Variants in NEK10 observed in about 807,000 individuals in gnomAD.
NEK10 encodes the protein NIMA related kinase 10.
Under a neutral mutation model 159.8 loss-of-function variants are expected in NEK10, and 122 were observed. The observed-to-expected ratio is 0.76, with a 90% CI of 0.66 to 0.89. The LOEUF (loss-of-function observed/expected upper bound fraction) is 0.89, where lower values mean the gene tolerates loss of function less well. Among genes scored for constraint, NEK10 ranks in the 40% least tolerant of loss-of-function variants. The pLI, the probability that NEK10 is intolerant of heterozygous loss-of-function variation, is 0.00. For missense variants in NEK10, 1,342 were observed against 1,323.1 expected, an observed-to-expected ratio of 1.01 and a Z score of -0.22; for synonymous variants, 466 against 457.1, an observed-to-expected ratio of 1.02 and a Z score of -0.25.
chr3:27,203,348 T>C (rs1259805864), intron 23 of NEK10, among the ~76,000 whole-genome samples: 1 of 152,234 alleles, frequency 6.6e-6, no homozygotes, highest in Non-Finnish European at 1.5e-5. Flanking sequence ...AAGACCATAT[T>C]TAAATATGTT....
rs1487049395 is a variant in NEK10, at chr3:27,192,182, T to G, written c.2352A>C (p.Ser784=). 6 of 1,614,050 alleles carry G rather than the reference T, an allele frequency of 3.7e-6. No individual in the cohort carries two copies. The highest frequency in any genetic ancestry group is 3.4e-6 in the Non-Finnish European group (4 of 1,179,998). ...PDIVEVSSMI[S]DVMMKYLDNL... is the part of the protein sequence containing the mutation. ...TGTCTAAATATTTCATCATGACATC[T>G]GATATCATCGAACTGACTTCTACAA... is the stretch of plus-strand genomic sequence containing the variant. The change falls in exon 26 of 36, where the codon TCA becomes TCC. Residue 784 remains serine (S), a synonymous_variant. Transcript: ENST00000691995.
intron 23 of NEK10, among the ~76,000 whole-genome samples, chr3:27,226,628 C>A (rs554362479): frequency 1.3e-5 from 2 of 152,218 alleles, no homozygotes; most frequent in Non-Finnish European, 2.9e-5. Flanking sequence ...TGAACAGAGG[C>A]AAATTCGTCT....
chr3:27,231,212 C>G (rs1953224773), intron 23 of NEK10, among the ~76,000 whole-genome samples: 1 of 151,890 alleles, frequency 6.6e-6, no homozygotes, highest in East Asian at 1.9e-4. Context: ...TAAAAGGAAC[C>G]CTCCAAATCA....
At chr3:27,359,388 G>T (rs912900125) in intron 1 of NEK10, among the ~76,000 whole-genome samples, 1 of 152,122 alleles carries the variant, frequency 6.6e-6, no homozygotes, top group Admixed American at 6.5e-5. Flanking sequence ...AGAAGTCTCT[G>T]TTTCTTCTGA....
At chr3:27,270,646 C>T (rs1228315190) in intron 22 of NEK10, among the ~76,000 whole-genome samples, 1 of 152,062 alleles carries the variant, frequency 6.6e-6, no homozygotes, top group Non-Finnish European at 1.5e-5. Context: ...GAACAGACTC[C>T]CTCCCTCCAT....
chr3:27,166,190 A>C (rs557521195), intron 29 of NEK10, among the ~76,000 whole-genome samples: 1 of 152,346 alleles, frequency 6.6e-6, no homozygotes, highest in South Asian at 2.1e-4. Flanking sequence ...GTGAATAAGC[A>C]ACATTATGTA....
At chr3:27,292,723 A>ATGC (rs2043085083) in intron 16 of NEK10, among the ~76,000 whole-genome samples, 1 of 149,870 alleles carries the variant, frequency 6.7e-6, no homozygotes, top group Non-Finnish European at 1.5e-5. Flanking sequence ...AGTCCCAGCT[A>ATGC]CTCAGGAGGC....
Position 27,164,558 on chromosome 3 carries a change from C to A in NEK10, c.2832-1820G>T, listed in dbSNP as rs138345279. Among the ~76,000 whole-genome samples the A allele has an allele frequency of 3.3e-5, 5 of 152,292 alleles. No homozygotes were observed. The East Asian group carries it at 5.8e-4, about 18-fold the overall frequency. On this transcript the variant is annotated intron_variant, in intron 29 of 35. Coordinates refer to ENST00000691995, the MANE Select transcript of NEK10 (RefSeq NM_001394966.1). ...AAATTGAAATCTTATTATTTTACAT[C>A]TTAATTAATATTAAACAAAATTAAA...
rs143334174 is a variant in NEK10, at chr3:27,161,764, C to T, written c.2869+937G>A. Among the ~76,000 whole-genome samples the T allele has an allele frequency of 3.7e-3, 562 of 152,156 alleles. 6 individuals carry two copies. Among genetic ancestry groups the T allele is most frequent in the African/African-American group, 0.012 (493 of 41,532 alleles). Reference sequence around the variant, plus strand: ...TTATTAGGGAAACAATGTGATATGTCATTTTAATCGTGGGCGGATCACCTG... The same window carrying T: ...TTATTAGGGAAACAATGTGATATGTTATTTTAATCGTGGGCGGATCACCTG... On this transcript the variant is annotated intron_variant, in intron 30 of 35. Coordinates refer to ENST00000691995, the MANE Select transcript of NEK10 (RefSeq NM_001394966.1).
At chr3:27,328,032 G>T (rs2046134940) in intron 5 of NEK10, among the ~76,000 whole-genome samples, 1 of 151,750 alleles carries the variant, frequency 6.6e-6, no homozygotes, top group Non-Finnish European at 1.5e-5. Flanking sequence ...ACAGGTCTTT[G>T]TTCTTTCTCT....
At chr3:27,234,079 T>C (rs1024993700) in intron 23 of NEK10, among the ~76,000 whole-genome samples, 1 of 152,130 alleles carries the variant, frequency 6.6e-6, no homozygotes, top group Non-Finnish European at 1.5e-5. Context: ...CATCCCTTCA[T>C]GCTAAAATCT....
Position 27,309,018 on chromosome 3 carries a change from G to A in NEK10, c.637-13C>T. 7.2e-7 allele frequency: 1 copy of A among 1,388,690 alleles called. No individual in the cohort carries two copies. Among genetic ancestry groups the A allele is most frequent in the Non-Finnish European group, 1.0e-6 (1 of 985,418 alleles). 86.0% of individuals were successfully genotyped at this position (1,388,690 alleles called of 1,614,324 possible). A position where few individuals can be genotyped will look rare whatever the true frequency, so the allele number is the denominator to read the frequency against. ...AATTTACTAATGTCTGAAAAATGAA[G>A]TAAAATAAAGTTTAATTATATAAGT... On this transcript the variant is annotated splice_polypyrimidine_tract_variant and intron_variant, in intron 9 of 35. Coordinates refer to ENST00000691995, the MANE Select transcript of NEK10 (RefSeq NM_001394966.1).
intron 35 of NEK10, among the ~76,000 whole-genome samples, chr3:27,113,477 C>T (rs2125404403): frequency 6.8e-6 from 1 of 146,916 alleles, no homozygotes; most frequent in South Asian, 2.2e-4. Context: ...AAAGGGAATA[C>T]CATGGATATA....
chr3:27,249,730 G>C (rs1955461459), intron 23 of NEK10, among the ~76,000 whole-genome samples: 1 of 152,022 alleles, frequency 6.6e-6, no homozygotes, highest in Non-Finnish European at 1.5e-5. Context: ...TGTTATTATT[G>C]ATAAGTAAGA....
chr3:27,281,853 G>A (rs1194609596), intron 22 of NEK10, among the ~76,000 whole-genome samples: 3 of 152,112 alleles, frequency 2.0e-5, no homozygotes, highest in Non-Finnish European at 4.4e-5. Context: ...AAACAAAAGT[G>A]GGAGTACTTA....
chr3:27,237,017 C>T (rs1359170293), intron 23 of NEK10, among the ~76,000 whole-genome samples: 6 of 152,058 alleles, frequency 3.9e-5, no homozygotes, highest in Non-Finnish European at 7.4e-5. Flanking sequence ...TATAGACCTC[C>T]CCCCAGGAAT....
intron 29 of NEK10, among the ~76,000 whole-genome samples, chr3:27,165,378 A>C (rs73036936): frequency 1.3e-5 from 2 of 152,352 alleles, no homozygotes; most frequent in Non-Finnish European, 1.5e-5. Context: ...GCCTGGGGGA[A>C]GTCTGCCTCT....
rs1204524098 is a variant in NEK10 at position 27,295,660 on chromosome 3, T to C, written c.1261A>G (p.Ile421Val). The change falls in exon 15 of 36, where the codon ATT becomes GTT. Residue 421 changes from isoleucine (I) to valine (V), a missense_variant. Ile to Val is a conservative substitution (Grantham distance 29, BLOSUM62 3). Transcript: ENST00000691995. The part of the protein sequence containing the change: ...ENGVYTIAKL[I>V]LPNKQKNAAK... Reference sequence around the variant, plus strand: ...GCATTCTTTTGCTTATTTGGTAAAATTAATTTTGCTATTGTATATACACCA... The same window carrying C: ...GCATTCTTTTGCTTATTTGGTAAAACTAATTTTGCTATTGTATATACACCA... 1 of 1,567,488 alleles carries C rather than the reference T, an allele frequency of 6.4e-7. No individual in the cohort carries two copies. The highest frequency in any genetic ancestry group is 1.3e-5 in the African/African-American group (1 of 74,254).
chr3:27,249,609 T>C (rs1398073162), intron 23 of NEK10, among the ~76,000 whole-genome samples: 1 of 152,184 alleles, frequency 6.6e-6, no homozygotes, highest in Non-Finnish European at 1.5e-5. Context: ...AGTCTATGTG[T>C]CTTTAGAGGT....
Sources: allele counts gnomAD v4.1 joint callset (sites outside exome capture counted in the v4.1 genomes callset), GRCh38; gene constraint gnomAD v4.1.1; transcripts MANE v1.5; gene names NCBI Gene and HGNC (gene_info 2026-07-23, HGNC 2026-07-21).